The following CNBD1 variants were observed in gnomAD, a reference collection of about 807,000 sequenced individuals.
CNBD1 encodes cyclic nucleotide binding domain containing 1.
Under a neutral mutation model 54.4 loss-of-function variants are expected in CNBD1, and 71 were observed. The ratio of observed to expected loss-of-function variants is 1.30; its 90% CI spans 1.08 to 1.59. The LOEUF is 1.59. CNBD1 is among the 40% of genes most tolerant of loss of function. The pLI, the probability that CNBD1 is intolerant of heterozygous loss-of-function variation, is 0.00. For synonymous variants in CNBD1, 182 were observed against 170.7 expected (o/e 1.07, Z -0.51); for missense variants, 659 against 518.0 (o/e 1.27, Z -2.64).
intron 4 of CNBD1, among the ~76,000 whole-genome samples, chr8:87,100,182 G>A (rs1811400124): frequency 6.6e-6 from 1 of 152,150 alleles, no homozygotes; most frequent in African/African-American, 2.4e-5. Flanking sequence ...GGCCGTTGGT[G>A]ATGCTAACAA....
At chr8:87,402,040 T>G (rs1186686011) in intron 2 of CNBD1, among the ~76,000 whole-genome samples, 1 of 151,976 alleles carries the variant, frequency 6.6e-6, no homozygotes, top group Non-Finnish European at 1.5e-5. Flanking sequence ...TATAAAGTAC[T>G]TACAGTTCTA....
chr8:87,428,073 T>A (rs1808079320), intron 2 of CNBD1, among the ~76,000 whole-genome samples: 1 of 151,308 alleles, frequency 6.6e-6, no homozygotes, highest in Non-Finnish European at 1.5e-5. Context: ...TAAGAAATTA[T>A]CTACCTGCTC....
chr8:87,046,393 T>G (rs1810191213), intron 4 of CNBD1, among the ~76,000 whole-genome samples: 1 of 152,172 alleles, frequency 6.6e-6, no homozygotes, highest in Non-Finnish European at 1.5e-5. Context: ...CCTCTGTGTT[T>G]AGTGTACCTG....
At chr8:87,410,279 T>G (rs1223080990) in intron 2 of CNBD1, among the ~76,000 whole-genome samples, 1 of 152,172 alleles carries the variant, frequency 6.6e-6, no homozygotes, top group Non-Finnish European at 1.5e-5. Flanking sequence ...GATTTTCAAG[T>G]CATATTATTT....
intron 4 of CNBD1, among the ~76,000 whole-genome samples, chr8:87,179,655 T>C (rs780601922): frequency 2.6e-5 from 4 of 152,176 alleles, no homozygotes; most frequent in Non-Finnish European, 4.4e-5. Flanking sequence ...GGAAGGGTTT[T>C]ATTAAAGTTT....
At chr8:87,002,702 C>G (rs778249138) in intron 4 of CNBD1, among the ~76,000 whole-genome samples, 5 of 151,936 alleles carry the variant, frequency 3.3e-5, no homozygotes, top group African/African-American at 7.3e-5. Context: ...AACCTGTTCT[C>G]CCAACTCTGC....
intron 4 of CNBD1, among the ~76,000 whole-genome samples, chr8:87,088,204 C>G (rs1221440080): frequency 6.6e-6 from 1 of 152,146 alleles, no homozygotes; most frequent in African/African-American, 2.4e-5. Context: ...ACCTTTGACA[C>G]TGCCACCTGC....
At chr8:87,319,329 G>C (rs937276924) in intron 8 of CNBD1, among the ~76,000 whole-genome samples, 1 of 152,086 alleles carries the variant, frequency 6.6e-6, no homozygotes, top group Admixed American at 6.6e-5. Flanking sequence ...AAAAGGCAAT[G>C]AGCCTCATAT....
rs78250176 is a variant in CNBD1 at position 87,296,897 on chromosome 8, C to G, written c.1042+10226C>G. ...TACATTTAAAAAGTAAAAAATAAGG[C>G]CAGCGTGGTGGCTCACGCCTGTAAT... On this transcript the variant is annotated intron_variant, in intron 8 of 10. Transcript: ENST00000518476. Among the ~76,000 whole-genome samples, 23 of 152,008 alleles carry G rather than the reference C, an allele frequency of 1.5e-4. No homozygotes were observed. In the East Asian group the frequency reaches 4.4e-3, roughly 29 times the overall value.
chr8:87,381,823 A>T (rs1012124779), intron 10 of CNBD1, among the ~76,000 whole-genome samples: 1 of 151,950 alleles, frequency 6.6e-6, no homozygotes, highest in Non-Finnish European at 1.5e-5. Context: ...AAAAAGTGGA[A>T]TGGTGGTTAC....
At chr8:87,345,871 G>A (rs527452214) in intron 8 of CNBD1, among the ~76,000 whole-genome samples, 18 of 151,624 alleles carry the variant, frequency 1.2e-4, no homozygotes, top group Admixed American at 1.1e-3. Context: ...AGAAGTTAAG[G>A]AGTATTTCTA....
At chr8:87,049,459 C>G (rs1333394934) in intron 4 of CNBD1, among the ~76,000 whole-genome samples, 1 of 152,142 alleles carries the variant, frequency 6.6e-6, no homozygotes, top group African/African-American at 2.4e-5. Context: ...GCTAGTTGAG[C>G]ACTGATGCCC....
intron 2 of CNBD1, among the ~76,000 whole-genome samples, chr8:87,397,701 A>G (rs1304201528): frequency 6.6e-6 from 1 of 151,964 alleles, no homozygotes. Context: ...TCACAAACTG[A>G]TGATTAAGTT....
intron 2 of CNBD1, among the ~76,000 whole-genome samples, chr8:86,895,427 T>C (rs1329974978): frequency 6.6e-6 from 1 of 152,230 alleles, no homozygotes; most frequent in African/African-American, 2.4e-5. Flanking sequence ...TGAACATTTA[T>C]GTGCAGGTTT....
chr8:87,375,238 G>C (rs1810902304), intron 10 of CNBD1, among the ~76,000 whole-genome samples: 1 of 147,334 alleles, frequency 6.8e-6, no homozygotes, highest in African/African-American at 2.7e-5. Flanking sequence ...TGACAACACT[G>C]TTTTTAAAAA....
At chr8:87,244,057 C>T (rs1563521636) in intron 6 of CNBD1, among the ~76,000 whole-genome samples, 1 of 152,088 alleles carries the variant, frequency 6.6e-6, no homozygotes, top group Non-Finnish European at 1.5e-5. Context: ...CATGAACAGC[C>T]TCAGGTGGTC....
intron 4 of CNBD1, among the ~76,000 whole-genome samples, chr8:86,944,822 A>AGT (rs769581279): frequency 6.6e-6 from 1 of 152,180 alleles, no homozygotes; most frequent in Non-Finnish European, 1.5e-5. Flanking sequence ...GGAGTTTCAG[A>AGT]GTGACCTGTT....
chr8:87,168,116 G>A (rs1170300117), intron 4 of CNBD1, among the ~76,000 whole-genome samples: 1 of 151,976 alleles, frequency 6.6e-6, no homozygotes, highest in Non-Finnish European at 1.5e-5. Context: ...GTTATGCAGT[G>A]CATGTGCATG....
chr8:87,409,586 G>C (rs1017294138), intron 2 of CNBD1, among the ~76,000 whole-genome samples: 1 of 152,086 alleles, frequency 6.6e-6, no homozygotes, highest in Admixed American at 6.5e-5. Context: ...TTTCATAGCA[G>C]GAGAAGAGAA....
Sources: allele counts gnomAD v4.1 joint callset (sites outside exome capture counted in the v4.1 genomes callset), GRCh38; gene constraint gnomAD v4.1.1; transcripts MANE v1.5; gene names NCBI Gene and HGNC (gene_info 2026-07-23, HGNC 2026-07-21).